Variants in DLGAP2 observed in about 807,000 individuals in gnomAD.
The protein encoded by DLGAP2 is DLG associated protein 2, also known as disks large-associated protein 2.
A neutral mutation model predicts 100.3 loss-of-function variants in DLGAP2; 26 were observed. The observed-to-expected ratio is 0.26, with a 90% CI of 0.19 to 0.36. The LOEUF (loss-of-function observed/expected upper bound fraction) is 0.36, where lower values mean the gene tolerates loss of function less well. Ranked by LOEUF, DLGAP2 falls within the 10% of genes least tolerant of loss-of-function variation. The probability of loss-of-function intolerance (pLI) is 1.00; values close to 1 mark genes in which losing one functional copy is unlikely to be tolerated. For synonymous variants in DLGAP2, 886 were observed against 630.1 expected, an observed-to-expected ratio of 1.41 and a Z score of -6.08; for missense variants, 1,858 against 1,453.2, an observed-to-expected ratio of 1.28 and a Z score of -4.53.
intron 6 of DLGAP2, among the ~76,000 whole-genome samples, chr8:1,575,515 A>G (rs1802931006): frequency 6.9e-6 from 1 of 145,008 alleles, no homozygotes; most frequent in South Asian, 2.2e-4. Context: ...CATGTGCACA[A>G]TGTGCAGGTT....
In DLGAP2 at chr8:1,707,482, A is replaced by G. The variant is rs1799738297; in HGVS notation, c.*6076A>G. The G allele has an allele frequency of 6.6e-6, 1 of 152,214 alleles. No homozygotes were observed. Among genetic ancestry groups the G allele is most frequent in the East Asian group, 1.9e-4 (1 of 5,192 alleles). The allele number at this position is 152,214 out of a possible 1,614,324, so 9.4% of individuals were successfully genotyped here. ...CAATCATATCACTTTCAAAGGGCTC[A>G]GCACGAATGTTCCCCTCACTCCACT... On this transcript the variant is annotated 3_prime_UTR_variant, in exon 15 of 15. Coordinates refer to ENST00000637795, the MANE Select transcript of DLGAP2 (RefSeq NM_001346810.2).
chr8:1,106,804 G>T (rs1021980977), intron 2 of DLGAP2, among the ~76,000 whole-genome samples: 9 of 152,174 alleles, frequency 5.9e-5, no homozygotes, highest in Non-Finnish European at 1.0e-4. Flanking sequence ...TTCTAGGAGG[G>T]TGAGGTGCTT....
At chr8:1,041,588 T>C (rs1210832003) in intron 2 of DLGAP2, among the ~76,000 whole-genome samples, 1 of 144,894 alleles carries the variant, frequency 6.9e-6, no homozygotes, top group Non-Finnish European at 1.5e-5. Context: ...CCGAACCCCT[T>C]GCCGTGGGTG....
At chr8:1,627,107 T>A (rs1585010681) in intron 7 of DLGAP2, among the ~76,000 whole-genome samples, 1 of 152,250 alleles carries the variant, frequency 6.6e-6, no homozygotes, top group African/African-American at 2.4e-5. Flanking sequence ...CATTTTTGCG[T>A]TGATTTTTTT....
chr8:1,026,479 C>G (rs1423895367), intron 2 of DLGAP2, among the ~76,000 whole-genome samples: 1 of 152,190 alleles, frequency 6.6e-6, no homozygotes, highest in Non-Finnish European at 1.5e-5. Context: ...CTCCGACCTG[C>G]TCCTGCTGTG....
intron 2 of DLGAP2, among the ~76,000 whole-genome samples, chr8:1,167,065 G>A (rs995746326): frequency 6.6e-6 from 1 of 152,096 alleles, no homozygotes; most frequent in Non-Finnish European, 1.5e-5. Context: ...GAGCCCGGGA[G>A]GTTGAGGCTG....
At position 1,658,928 on chromosome 8, in the gene DLGAP2, G is replaced by A. The variant is rs139597305; in HGVS notation, c.1811-9401G>A. Among the ~76,000 whole-genome samples the A allele has an allele frequency of 9.9e-4, 150 of 152,244 alleles. 2 individuals are homozygous for A. The highest frequency in any genetic ancestry group is 1.5e-3 in the Non-Finnish European group (103 of 68,012). On this transcript the variant is annotated intron_variant, in intron 8 of 14. Coordinates refer to ENST00000637795, the MANE Select transcript of DLGAP2 (RefSeq NM_001346810.2). ...GTTCTTTTAATTGTGATGTTAGGGT[G>A]TCAATTTTAGATCTTTTCTGCTTTC...
intron 6 of DLGAP2, 115 bp from the exon 7 acceptor site, chr8:1,626,625 A>C: frequency 7.3e-7 from 1 of 1,372,840 alleles, no homozygotes; most frequent in Non-Finnish European, 9.9e-7. Flanking sequence ...GGTCGTTCCC[A>C]CCTCTGCCCT....
At chr8:1,342,293 C>T (rs913416305) in intron 3 of DLGAP2, among the ~76,000 whole-genome samples, 3 of 152,150 alleles carry the variant, frequency 2.0e-5, no homozygotes, top group African/African-American at 7.2e-5. Flanking sequence ...GACTGGATTG[C>T]AAACCTCCCA....
intron 3 of DLGAP2, among the ~76,000 whole-genome samples, chr8:1,312,196 C>A (rs1390929725): frequency 6.6e-6 from 1 of 152,184 alleles, no homozygotes; most frequent in Non-Finnish European, 1.5e-5. Context: ...ATAAAAGTTA[C>A]CTCGACATAG....
At chr8:1,095,288 T>A (rs1172289409) in intron 2 of DLGAP2, among the ~76,000 whole-genome samples, 1 of 152,120 alleles carries the variant, frequency 6.6e-6, no homozygotes, top group Non-Finnish European at 1.5e-5. Flanking sequence ...GAGAGATGGG[T>A]TTAGCACCCA....
intron 1 of DLGAP2, among the ~76,000 whole-genome samples, chr8:890,952 C>T (rs1165876959): frequency 6.6e-6 from 1 of 152,126 alleles, no homozygotes; most frequent in Non-Finnish European, 1.5e-5. Flanking sequence ...CTTACTGGCT[C>T]CCCCTTGTCC....
At chr8:1,387,997 C>T (rs1163077980) in intron 3 of DLGAP2, among the ~76,000 whole-genome samples, 6 of 152,184 alleles carry the variant, frequency 3.9e-5, no homozygotes, top group Admixed American at 6.5e-5. Flanking sequence ...ACACGGTGGG[C>T]GCAGAGCTGC....
chr8:1,335,612 G>C (rs929461602), intron 3 of DLGAP2, among the ~76,000 whole-genome samples: 1 of 152,118 alleles, frequency 6.6e-6, no homozygotes, highest in Non-Finnish European at 1.5e-5. Context: ...TCTGGAAGCA[G>C]GGAAGCTTTG....
chr8:1,152,187 A>C (rs955078774), intron 2 of DLGAP2, among the ~76,000 whole-genome samples: 1 of 152,198 alleles, frequency 6.6e-6, no homozygotes, highest in African/African-American at 2.4e-5. Context: ...TGAGAGTGTT[A>C]GTGATTTTCT....
intron 2 of DLGAP2, among the ~76,000 whole-genome samples, chr8:1,173,506 C>T (rs543198071): frequency 1.4e-4 from 21 of 152,326 alleles, no homozygotes; most frequent in African/African-American, 4.8e-4. Context: ...CAGAGGCAGG[C>T]AGGCCTCCTT....
At chr8:1,471,847 C>T (rs981529839) in intron 3 of DLGAP2, among the ~76,000 whole-genome samples, 6 of 151,920 alleles carry the variant, frequency 3.9e-5, no homozygotes, top group Middle Eastern at 3.2e-3. Context: ...TCTTTTCTTC[C>T]AGGAGCTCAC....
chr8:1,165,194 G>A (rs1473222594), intron 2 of DLGAP2, among the ~76,000 whole-genome samples: 2 of 148,878 alleles, frequency 1.3e-5, no homozygotes, highest in South Asian at 2.2e-4. Flanking sequence ...GGGAGGGAAG[G>A]AGGGAGGTAG....
intron 3 of DLGAP2, among the ~76,000 whole-genome samples, chr8:1,270,038 A>T (rs1477124500): frequency 6.6e-6 from 1 of 152,156 alleles, no homozygotes; most frequent in Non-Finnish European, 1.5e-5. Context: ...TGCCCTTCTC[A>T]ACATACAGTA....
Sources: allele counts gnomAD v4.1 joint callset (sites outside exome capture counted in the v4.1 genomes callset), GRCh38; gene constraint gnomAD v4.1.1; transcripts MANE v1.5; gene names NCBI Gene and HGNC (gene_info 2026-07-23, HGNC 2026-07-21).